Variants in SDK1 observed in about 807,000 individuals in gnomAD.
SDK1 encodes protein sidekick-1.
SDK1 carries 157 observed loss-of-function variants against 245.5 expected under a neutral mutation model. The ratio of observed to expected loss-of-function variants is 0.64; its 90% CI spans 0.56 to 0.73. SDK1 has a LOEUF of 0.73. Among genes scored for constraint, SDK1 ranks in the 30% least tolerant of loss-of-function variants. The pLI is 0.00. For synonymous variants in SDK1, 1,647 were observed against 1,278.5 expected, an observed-to-expected ratio of 1.29 and a Z score of -6.15; for missense variants, 3,583 against 3,002.3, an observed-to-expected ratio of 1.19 and a Z score of -4.52.
intron 44 of SDK1, among the ~76,000 whole-genome samples, chr7:4,249,442 A>C (rs1015901739): frequency 6.6e-6 from 1 of 152,180 alleles, no homozygotes; most frequent in East Asian, 1.9e-4. Context: ...CTGCAAATGC[A>C]CCTCATGGTT....
chr7:3,623,069 G>C (rs1335370391), intron 2 of SDK1, among the ~76,000 whole-genome samples: 2 of 152,056 alleles, frequency 1.3e-5, no homozygotes, highest in Non-Finnish European at 2.9e-5. Flanking sequence ...GAAAAAGGTA[G>C]TTGTTTCCCA....
intron 1 of SDK1, among the ~76,000 whole-genome samples, chr7:3,471,205 C>G (rs1170377101): frequency 1.3e-5 from 2 of 152,126 alleles, no homozygotes; most frequent in African/African-American, 2.4e-5. Flanking sequence ...CGTGAGAAGA[C>G]TGAGTGAGGT....
At chr7:4,195,709 C>G (rs1003707664) in intron 35 of SDK1, among the ~76,000 whole-genome samples, 2 of 152,178 alleles carry the variant, frequency 1.3e-5, no homozygotes, top group African/African-American at 4.8e-5. Context: ...CTCCACCTCC[C>G]TGGGGCTCAA....
intron 4 of SDK1, among the ~76,000 whole-genome samples, chr7:3,808,190 G>A (rs1262305231): frequency 9.2e-5 from 14 of 152,202 alleles, no homozygotes; most frequent in Admixed American, 3.9e-4. Flanking sequence ...TGCCAGGCCC[G>A]TGGAACGTGC....
At chr7:3,580,988 A>AAAG (rs1780466276) in intron 1 of SDK1, among the ~76,000 whole-genome samples, 14 of 136,738 alleles carry the variant, frequency 1.0e-4, no homozygotes, top group Non-Finnish European at 1.9e-4. Context: ...AAAAAAAAAA[A>AAAG]AAAAAACCAA....
Position 4,135,211 on chromosome 7 carries a change from T to G in SDK1, c.4228+2788T>G, listed in dbSNP as rs542756894. Among the ~76,000 whole-genome samples, 24 of 152,342 alleles carry G rather than the reference T, an allele frequency of 1.6e-4. No homozygotes were observed. The East Asian group carries it at 4.6e-3, about 29-fold the overall frequency. On this transcript the variant is annotated intron_variant, in intron 28 of 44. Coordinates refer to ENST00000404826, the MANE Select transcript of SDK1 (RefSeq NM_152744.4). The stretch of plus-strand genomic sequence containing the variant: ...AATTGAGGCCACAATGAAATCCCAT[T>G]TCACATTCGCCAGATTTGGCACCAT...
chr7:4,105,392 C>T (rs1221903896), intron 22 of SDK1, among the ~76,000 whole-genome samples: 4 of 151,872 alleles, frequency 2.6e-5, no homozygotes, highest in Non-Finnish European at 5.9e-5. Context: ...CTGCATCCTC[C>T]ACCCCCCTGG....
chr7:3,990,420 T>A (rs972813578), intron 14 of SDK1, among the ~76,000 whole-genome samples: 1 of 152,202 alleles, frequency 6.6e-6, no homozygotes, highest in African/African-American at 2.4e-5. Context: ...CATCTTAGCT[T>A]CCATTCAACG....
chr7:3,350,467 A>G (rs1780630180), intron 1 of SDK1, among the ~76,000 whole-genome samples: 2 of 151,928 alleles, frequency 1.3e-5, no homozygotes, highest in Non-Finnish European at 2.9e-5. Context: ...GACAGATTAC[A>G]TTGCCCAGAA....
At chr7:3,570,427 C>A (rs776947679) in intron 1 of SDK1, among the ~76,000 whole-genome samples, 1 of 152,140 alleles carries the variant, frequency 6.6e-6, no homozygotes, top group Non-Finnish European at 1.5e-5. Flanking sequence ...TCACCTCCTG[C>A]TGTGCAGCTG....
intron 1 of SDK1, among the ~76,000 whole-genome samples, chr7:3,560,531 C>A (rs967063626): frequency 9.2e-5 from 14 of 152,064 alleles, no homozygotes; most frequent in African/African-American, 3.4e-4. Context: ...CTACTGCTAC[C>A]AATCTGCCGC....
chr7:4,258,065 C>A (rs1787736669), intron 44 of SDK1, among the ~76,000 whole-genome samples: 1 of 152,196 alleles, frequency 6.6e-6, no homozygotes, highest in Non-Finnish European at 1.5e-5. Flanking sequence ...TCTTGGCACC[C>A]ACATGTGTCA....
intron 1 of SDK1, among the ~76,000 whole-genome samples, chr7:3,329,795 A>C (rs1017851493): frequency 6.6e-6 from 1 of 152,220 alleles, no homozygotes; most frequent in East Asian, 1.9e-4. Context: ...ACATATGCAC[A>C]CTTATTTTTG....
At chr7:3,382,644 T>C (rs2128567452) in intron 1 of SDK1, among the ~76,000 whole-genome samples, 1 of 152,338 alleles carries the variant, frequency 6.6e-6, no homozygotes, top group South Asian at 2.1e-4. Flanking sequence ...AATATGATAA[T>C]ATACTTTAAA....
rs747882822 is a variant in SDK1, at chr7:3,950,926, A to C, written c.851A>C (p.Asp284Ala). 6.2e-7 allele frequency: 1 copy of C among 1,611,560 alleles called. No individual in the cohort carries two copies. Among genetic ancestry groups the C allele is most frequent in the Non-Finnish European group, 8.5e-7 (1 of 1,177,958 alleles). The change falls in exon 6 of 45, where the codon GAT becomes GCT. Residue 284 changes from aspartate to alanine, a missense_variant. Transcript: ENST00000404826. ...SPFIHLSIAR[D>A]VGTPETMAPT... ...ATTTCTCTTTTCTCTGCCACAGGAG[A>C]TGTTGGCACACCTGAAACCATGGCC...
chr7:3,391,962 A>G (rs1430889965), intron 1 of SDK1, among the ~76,000 whole-genome samples: 6 of 73,892 alleles, frequency 8.1e-5, no homozygotes, highest in Non-Finnish European at 1.2e-4. Flanking sequence ...TATGTATATC[A>G]TGTAATATAT....
At position 3,806,396 on chromosome 7, in the gene SDK1, T is replaced by C. The variant is rs920195428; in HGVS notation, c.714-15054T>C. On this transcript the variant is annotated intron_variant, in intron 4 of 44. Transcript: ENST00000404826. Reference sequence around the variant, plus strand: ...TGTCCACATTAGGACGTGGATGTCCTTGGGGGCCCTTATTCGGCCCACCAC... The same window carrying C: ...TGTCCACATTAGGACGTGGATGTCCCTGGGGGCCCTTATTCGGCCCACCAC... Among the ~76,000 whole-genome samples, 8 of 141,814 alleles carry C rather than the reference T, an allele frequency of 5.6e-5. 1 individual carries two copies. The highest frequency in any genetic ancestry group is 2.0e-4 in the African/African-American group (8 of 39,314). The allele number at this position is 141,814 out of a possible 152,430, so 93.0% of individuals were successfully genotyped here. A position where few individuals can be genotyped will look rare whatever the true frequency, so the allele number is the denominator to read the frequency against.
At chr7:3,443,407 A>C (rs1434132880) in intron 1 of SDK1, among the ~76,000 whole-genome samples, 1 of 152,216 alleles carries the variant, frequency 6.6e-6, no homozygotes, top group Non-Finnish European at 1.5e-5. Context: ...CTAGAATCCA[A>C]ATTCAAGAGT....
chr7:3,970,250 C>T (rs79013508), intron 11 of SDK1, among the ~76,000 whole-genome samples: 1,740 of 152,190 alleles, frequency 0.011, 27 homozygotes, highest in South Asian at 0.044. Flanking sequence ...GTTATTCTTC[C>T]AGAAAAAGTA....
Sources: allele counts gnomAD v4.1 joint callset (sites outside exome capture counted in the v4.1 genomes callset), GRCh38; gene constraint gnomAD v4.1.1; transcripts MANE v1.5; gene names NCBI Gene and HGNC (gene_info 2026-07-23, HGNC 2026-07-21).